CNBD1: variants seen among roughly 807,000 people sequenced by gnomAD.
CNBD1 encodes the protein cyclic nucleotide binding domain containing 1, also known as cyclic nucleotide-binding domain-containing protein 1.
A neutral mutation model predicts 54.4 loss-of-function variants in CNBD1; 71 were observed. The ratio of observed to expected loss-of-function variants is 1.30; its 90% CI spans 1.08 to 1.59. The LOEUF is 1.59. CNBD1 is among the 40% of genes most tolerant of loss of function. The probability of loss-of-function intolerance (pLI) is 0.00; values close to 1 mark genes in which losing one functional copy is unlikely to be tolerated. For synonymous variants in CNBD1, 182 were observed against 170.7 expected, an observed-to-expected ratio of 1.07 and a Z score of -0.51; for missense variants, 659 against 518.0, an observed-to-expected ratio of 1.27 and a Z score of -2.64.
chr8:87,052,514 A>T (rs1342492644), intron 4 of CNBD1, among the ~76,000 whole-genome samples: 1 of 152,022 alleles, frequency 6.6e-6, no homozygotes, highest in Admixed American at 6.6e-5. Flanking sequence ...TTTCTTTCCC[A>T]CTCATGTATA....
chr8:87,333,033 T>C (rs1218924957), intron 8 of CNBD1, among the ~76,000 whole-genome samples: 1 of 152,034 alleles, frequency 6.6e-6, no homozygotes, highest in East Asian at 1.9e-4. Context: ...TTGTTTGTGA[T>C]CTCTCTTATT....
chr8:87,202,369 T>C (rs1170923259), intron 4 of CNBD1, among the ~76,000 whole-genome samples: 2 of 152,168 alleles, frequency 1.3e-5, no homozygotes, highest in African/African-American at 4.8e-5. Context: ...TAAATTATAA[T>C]ATGGATCATG....
chr8:86,939,844 A>G (rs1043455960), intron 4 of CNBD1, 90 bp downstream of exon 4: 1 of 839,100 alleles, frequency 1.2e-6, no homozygotes, highest in Admixed American at 3.0e-5. Context: ...GGGTAAGTGT[A>G]CTTTAGTTAT....
intron 3 of CNBD1, among the ~76,000 whole-genome samples, chr8:86,906,712 T>G (rs915668493): frequency 1.4e-4 from 22 of 152,356 alleles, no homozygotes; most frequent in African/African-American, 5.3e-4. Flanking sequence ...GCCCTCATAT[T>G]TATTCATTAA....
chr8:86,994,882 G>T (rs890799491), intron 4 of CNBD1, among the ~76,000 whole-genome samples: 2 of 152,112 alleles, frequency 1.3e-5, no homozygotes, highest in Admixed American at 6.6e-5. Flanking sequence ...CACATGCTTT[G>T]ATAAAGAATA....
intron 5 of CNBD1, among the ~76,000 whole-genome samples, chr8:87,229,583 CTT>C (rs1473660358): frequency 1.2e-4 from 18 of 152,100 alleles, no homozygotes; most frequent in African/African-American, 4.3e-4. Context: ...GTCAAATACT[CTT>C]TGAATTCTAT....
At chr8:87,036,509 G>A (rs910195959) in intron 4 of CNBD1, among the ~76,000 whole-genome samples, 1 of 147,198 alleles carries the variant, frequency 6.8e-6, no homozygotes, top group Non-Finnish European at 1.5e-5. Context: ...CAGGAGAATG[G>A]CTTGAACCCA....
chr8:86,967,259 C>T (rs1376388708), intron 4 of CNBD1, among the ~76,000 whole-genome samples: 1 of 152,232 alleles, frequency 6.6e-6, no homozygotes, highest in East Asian at 1.9e-4. Context: ...GCTGAAGCCA[C>T]ACCCAGGAAG....
chr8:87,369,316 G>A (rs1810709899), intron 10 of CNBD1, among the ~76,000 whole-genome samples: 1 of 151,908 alleles, frequency 6.6e-6, no homozygotes, highest in Non-Finnish European at 1.5e-5. Flanking sequence ...TGCTGTTTGA[G>A]TCATCTATGT....
At chr8:87,324,922 T>C (rs1809635543) in intron 8 of CNBD1, among the ~76,000 whole-genome samples, 1 of 109,366 alleles carries the variant, frequency 9.1e-6, no homozygotes, top group Non-Finnish European at 1.9e-5. Context: ...TCTTTCTTGC[T>C]TTCTCTTGTG....
intron 2 of CNBD1, among the ~76,000 whole-genome samples, chr8:87,421,961 G>A (rs1205266007): frequency 6.7e-5 from 10 of 149,592 alleles, no homozygotes; most frequent in Middle Eastern, 3.4e-3. Context: ...TTTAATGATC[G>A]CCATTCTAAC....
intron 2 of CNBD1, chr8:87,428,485 C>T (rs1563599056): frequency 1.1e-5 from 2 of 177,676 alleles, no homozygotes; most frequent in South Asian, 3.3e-5. Flanking sequence ...TTAGCAATTG[C>T]TCTTTTTATG....
intron 4 of CNBD1, among the ~76,000 whole-genome samples, chr8:87,014,373 C>A (rs1809308941): frequency 6.6e-6 from 1 of 151,544 alleles, no homozygotes; most frequent in Non-Finnish European, 1.5e-5. Flanking sequence ...AAAACCCAGC[C>A]CAAGACAGAA....
chr8:86,951,105 C>A (rs190831756), intron 4 of CNBD1, among the ~76,000 whole-genome samples: 4 of 152,120 alleles, frequency 2.6e-5, no homozygotes, highest in Non-Finnish European at 4.4e-5. Flanking sequence ...ACAGTAAATT[C>A]TTGTTTTTAA....
At position 87,378,752 on chromosome 8, in the gene CNBD1, A is replaced by C. The variant is rs561099965; in HGVS notation, c.1304-3868A>C. Among the ~76,000 whole-genome samples the C allele has an allele frequency of 2.5e-3, 375 of 150,966 alleles. 15 individuals carry two copies. The highest frequency in any genetic ancestry group is 7.4e-3 in the African/African-American group (300 of 40,504). ...CTGTAAATTACCTTGGGCAGTATGGACATTTTCATGATATTGATTCTTCCT... is the reference window on the plus strand; with the variant it reads ...CTGTAAATTACCTTGGGCAGTATGGCCATTTTCATGATATTGATTCTTCCT... On this transcript the variant is annotated intron_variant, in intron 10 of 10. Transcript: ENST00000518476.
chr8:87,200,903 A>G (rs1056020394), intron 4 of CNBD1, among the ~76,000 whole-genome samples: 7 of 152,216 alleles, frequency 4.6e-5, no homozygotes, highest in Non-Finnish European at 8.8e-5. Context: ...AACTCGTTCT[A>G]TGAAGCTAGC....
intron 4 of CNBD1, among the ~76,000 whole-genome samples, chr8:87,070,393 T>C (rs1204519756): frequency 6.6e-6 from 1 of 152,044 alleles, no homozygotes; most frequent in Non-Finnish European, 1.5e-5. Context: ...GAAATAAACA[T>C]AAAATACACG....
At chr8:87,287,222 G>T (rs1808715492) in intron 8 of CNBD1, among the ~76,000 whole-genome samples, 1 of 152,134 alleles carries the variant, frequency 6.6e-6, no homozygotes, top group Non-Finnish European at 1.5e-5. Flanking sequence ...TGGATTATGT[G>T]TACACAAAAA....
intron 5 of CNBD1, among the ~76,000 whole-genome samples, chr8:87,216,349 A>C (rs1352974195): frequency 6.6e-6 from 1 of 152,216 alleles, no homozygotes; most frequent in Non-Finnish European, 1.5e-5. Flanking sequence ...AAAAATTAGC[A>C]TATCAGAGAC....
Sources: gnomAD v4.1 joint callset for allele counts (sites outside exome capture counted in the v4.1 genomes callset) on GRCh38, gnomAD v4.1.1 for gene constraint, MANE v1.5 for transcripts, NCBI Gene and HGNC (gene_info 2026-07-23, HGNC 2026-07-21) for gene names.